Variants in MRPS25 observed in about 807,000 individuals in gnomAD.
MRPS25 encodes small ribosomal subunit protein mS25.
In MRPS25, 15 loss-of-function variants were observed where a neutral mutation model predicts 17.3. The observed-to-expected ratio is 0.87, with a 90% confidence interval of 0.58 to 1.34. The LOEUF is 1.34. Among genes scored for constraint, MRPS25 ranks in the 40% most tolerant of loss-of-function variants. The probability of loss-of-function intolerance (pLI) is 0.00; values close to 1 mark genes in which losing one functional copy is unlikely to be tolerated. For synonymous variants in MRPS25, 94 were observed against 83.3 expected (o/e 1.13, Z -0.70); for missense variants, 225 against 218.6 (o/e 1.03, Z -0.19).
chr3:15,062,727 A>T (rs897459340), intron 1 of MRPS25, among the ~76,000 whole-genome samples: 3 of 152,198 alleles, frequency 2.0e-5, no homozygotes, highest in Non-Finnish European at 2.9e-5. Context: ...TGTACTAAGA[A>T]AAATTCTTCT....
At position 15,051,228 on chromosome 3, in the gene MRPS25, G is replaced by T. The variant is rs2042600953; in HGVS notation, c.*1213C>A. On this transcript the variant is annotated 3_prime_UTR_variant, in exon 4 of 4. Coordinates refer to ENST00000253686, the MANE Select transcript of MRPS25 (RefSeq NM_022497.5). ...TGAGACAGTCTTGCTCTGTGGCCCA[G>T]GCTGGAGTGCAGTAGCGCACGATCA... 1.0e-6 allele frequency: 1 copy of T among 963,646 alleles called. No individual in the cohort carries two copies. Among genetic ancestry groups the T allele is most frequent in the South Asian group, 4.8e-5 (1 of 20,838 alleles). 59.7% of individuals were successfully genotyped at this position (963,646 alleles called of 1,614,324 possible).
Position 15,052,913 on chromosome 3 carries a change from C to G in MRPS25, c.330-280G>C, listed in dbSNP as rs569023170. 5.3e-5 allele frequency among the ~76,000 whole-genome samples: 8 copies of G among 152,356 alleles called. No homozygotes were observed. The East Asian group carries it at 1.5e-3, about 29-fold the overall frequency. On this transcript the variant is annotated intron_variant, in intron 3 of 3. Coordinates refer to ENST00000253686, the MANE Select transcript of MRPS25 (RefSeq NM_022497.5). ...AGGTGGAGCCCACAGCTCTCACATG[C>G]AATCACAAGATAAAGGAGCCTGAAA...
At chr3:15,062,027 C>T (rs9758472) in intron 1 of MRPS25, among the ~76,000 whole-genome samples, 10,504 of 148,278 alleles carry the variant, frequency 0.071, 447 homozygotes, top group Non-Finnish European at 0.088. Context: ...CGGCAGCCGC[C>T]CCGTCCGGGA....
At position 15,053,442 on chromosome 3, in the gene MRPS25, A is replaced by G. The variant is rs1377437941; in HGVS notation, c.267T>C (p.Asp89=). The G allele has an allele frequency of 6.2e-7, 1 of 1,614,092 alleles. No homozygotes were observed. Among genetic ancestry groups the G allele is most frequent in the African/African-American group, 1.3e-5 (1 of 74,932 alleles). Residue 89 remains aspartate (D), a synonymous_variant, in exon 3 of 4, where the codon GAT becomes GAC. Coordinates refer to ENST00000253686, the MANE Select transcript of MRPS25 (RefSeq NM_022497.5). ...TCTCCTTATTGCTCTTGGTCTCCAC[A>G]TCCACCAGGACCTGCTCCCCAGAAT... ...YLDSGEQVLV[D]VETKSNKEIM... is the part of the protein sequence containing the mutation.
chr3:15,065,195 G>A lies in MRPS25; in HGVS notation c.-1C>T, dbSNP rs2042837583. 2 of 1,594,400 alleles carry A rather than the reference G, an allele frequency of 1.3e-6. No individual in the cohort carries two copies. On this transcript the variant is annotated 5_prime_UTR_variant, in exon 1 of 4. Coordinates refer to ENST00000253686, the MANE Select transcript of MRPS25 (RefSeq NM_022497.5). Reference sequence around the variant, plus strand: ...TGGGGAAGCGGCCCTTCATGGGCATGGCGGCAACGGTGGCGGGGCCGACCC... The same window carrying A: ...TGGGGAAGCGGCCCTTCATGGGCATAGCGGCAACGGTGGCGGGGCCGACCC...
chr3:15,060,453 C>T (rs1053222502), intron 1 of MRPS25, among the ~76,000 whole-genome samples: 1 of 145,646 alleles, frequency 6.9e-6, no homozygotes, highest in Non-Finnish European at 1.5e-5. Context: ...TTTGAGGTTG[C>T]AGTGAGCCAG....
chr3:15,061,344 C>T (rs985398874), intron 1 of MRPS25, among the ~76,000 whole-genome samples: 4 of 152,004 alleles, frequency 2.6e-5, no homozygotes, highest in African/African-American at 4.8e-5. Flanking sequence ...GCCTGCCCAG[C>T]GCCTGCGATT....
In MRPS25 at chr3:15,049,340, T is replaced by C. The variant is rs548534376; in HGVS notation, c.*3101A>G. 7 of 153,144 alleles carry C rather than the reference T, an allele frequency of 4.6e-5. No homozygotes were observed. Among genetic ancestry groups the C allele is most frequent in the African/African-American group, 1.7e-4 (7 of 41,590 alleles). 9.5% of individuals were successfully genotyped at this position (153,144 alleles called of 1,614,324 possible). A position where few individuals can be genotyped will look rare whatever the true frequency, so the allele number is the denominator to read the frequency against. ...GCCTGGCCCCCAAACAATGCAGCGC[T>C]CTCTTGTGTTATGGACATGAAGCAT... On this transcript the variant is annotated 3_prime_UTR_variant, in exon 4 of 4. Transcript: ENST00000253686.
At position 15,052,180 on chromosome 3, in the gene MRPS25, CT is replaced by C; in HGVS notation, c.*260del. The stretch of plus-strand genomic sequence containing the variant: ...GCCTTTCTGCTACACAGGCCTTCCT[CT>C]TCACTAGGACCAGATACACGCCAAG... On this transcript the variant is annotated 3_prime_UTR_variant, in exon 4 of 4. Transcript: ENST00000253686. 2 of 1,198,980 alleles carry C rather than the reference CT, an allele frequency of 1.7e-6. No homozygotes were observed. Among genetic ancestry groups the C allele is most frequent in the Non-Finnish European group, 2.1e-6 (2 of 964,422 alleles). The allele number at this position is 1,198,980 out of a possible 1,614,324, so 74.3% of individuals were successfully genotyped here.
At chr3:15,063,523 C>A (rs1279790455) in intron 1 of MRPS25, among the ~76,000 whole-genome samples, 3 of 152,130 alleles carry the variant, frequency 2.0e-5, no homozygotes, top group Admixed American at 1.3e-4. Context: ...AGACTCCAAC[C>A]CACGGGTACA....
chr3:15,043,635 G>C (rs1325475924), downstream of MRPS25: 1 of 152,628 alleles, frequency 6.6e-6, no homozygotes, highest in East Asian at 1.9e-4. Flanking sequence ...TCTGTGAATG[G>C]AAACGTGGCT....
In MRPS25 at chr3:15,061,874, G is replaced by T. The variant is rs540764532; in HGVS notation, c.135-2399C>A. Among the ~76,000 whole-genome samples the T allele has an allele frequency of 1.8e-4, 27 of 151,484 alleles. No homozygotes were observed. The South Asian group carries it at 5.6e-3, about 32-fold the overall frequency. ...GCATCTCTGCCCAGCCACCCCGTCT[G>T]AGAAGGGAGGAGACCCTCCGCCCGG... On this transcript the variant is annotated intron_variant, in intron 1 of 3. Transcript: ENST00000253686.
At chr3:15,058,124 C>CTTCAG (rs1347130948) in intron 2 of MRPS25, among the ~76,000 whole-genome samples, 2 of 152,192 alleles carry the variant, frequency 1.3e-5, no homozygotes, top group African/African-American at 4.8e-5. Context: ...GATCCACCAT[C>CTTCAG]TTCAGCCTCC....
At chr3:15,064,883 C>CG (rs1202639901) in intron 1 of MRPS25, among the ~76,000 whole-genome samples, 178 bp downstream of exon 1, 11 of 152,054 alleles carry the variant, frequency 7.2e-5, no homozygotes, top group African/African-American at 2.7e-4. Context: ...GCCGGCCCGG[C>CG]GGGGGCCCCG....
rs1434284043 is a variant in MRPS25 at position 15,065,102 on chromosome 3, T to C, written c.93A>G (p.Thr31=). 1 of 1,608,392 alleles carries C rather than the reference T, an allele frequency of 6.2e-7. No homozygotes were observed. The highest frequency in any genetic ancestry group is 8.5e-7 in the Non-Finnish European group (1 of 1,177,830). Residue 31 remains threonine (T), a synonymous_variant, in exon 1 of 4, where the codon ACA becomes ACG. Coordinates refer to ENST00000253686, the MANE Select transcript of MRPS25 (RefSeq NM_022497.5). ...VVFKDSVKVM[T]VNYNTHGELG... The stretch of plus-strand genomic sequence containing the variant: ...GCTCCCCATGCGTGTTGTAATTCAC[T>C]GTCATGACCTTCACGGAGTCCTTGA...
At chr3:15,053,582 G>C (rs1051351848) in intron 2 of MRPS25, 115 bp from the exon 3 acceptor site, 11 of 1,119,638 alleles carry the variant, frequency 9.8e-6, no homozygotes, top group Non-Finnish European at 1.5e-5. Context: ...TAATAAAATA[G>C]ATATACTTGT....
At chr3:15,064,944 T>TG in intron 1 of MRPS25, 117 bp downstream of exon 1, 2 of 1,351,998 alleles carry the variant, frequency 1.5e-6, no homozygotes, top group African/African-American at 1.5e-5. Flanking sequence ...AGCGCCGACC[T>TG]GGGGGGCCCG....
chr3:15,043,029 A>G (rs767397592), downstream of MRPS25: 2 of 1,609,642 alleles, frequency 1.2e-6, no homozygotes, highest in South Asian at 1.1e-5. Flanking sequence ...ACACCTGCCA[A>G]GGAGCAACAG....
At chr3:15,063,592 G>GGCT (rs1441779103) in intron 1 of MRPS25, among the ~76,000 whole-genome samples, 17 of 152,184 alleles carry the variant, frequency 1.1e-4, no homozygotes, top group Non-Finnish European at 2.4e-4. Flanking sequence ...CAAAGAAACA[G>GGCT]TGAATGGCTG....
Sources: gnomAD v4.1 joint callset for allele counts (sites outside exome capture counted in the v4.1 genomes callset) on GRCh38, gnomAD v4.1.1 for gene constraint, MANE v1.5 for transcripts, NCBI Gene and HGNC (gene_info 2026-07-23, HGNC 2026-07-21) for gene names.